CNTNAP4: variants seen among roughly 807,000 people sequenced by gnomAD.
CNTNAP4 encodes contactin-associated protein-like 4.
A neutral mutation model predicts 148.4 loss-of-function variants in CNTNAP4; 98 were observed. The observed-to-expected ratio is 0.66, with a 90% confidence interval of 0.56 to 0.78. The LOEUF is 0.78. Ranked by LOEUF, CNTNAP4 falls within the 30% of genes least tolerant of loss-of-function variation. CNTNAP4 has a pLI of 0.00. For missense variants in CNTNAP4, 1,935 were observed against 1,565.6 expected, an observed-to-expected ratio of 1.24 and a Z score of -3.98; for synonymous variants, 730 against 565.1, an observed-to-expected ratio of 1.29 and a Z score of -4.14.
chr16:76,387,247 A>G (rs2016591061), intron 3 of CNTNAP4, among the ~76,000 whole-genome samples: 1 of 152,222 alleles, frequency 6.6e-6, no homozygotes, highest in Non-Finnish European at 1.5e-5. Context: ...TGATATCACA[A>G]ATTTGAAAAT....
At chr16:76,427,321 GATTTTCTTA>G in intron 3 of CNTNAP4, 122 bp from the exon 4 acceptor site, 1 of 638,854 alleles carries the variant, frequency 1.6e-6, no homozygotes, top group Non-Finnish European at 2.5e-6. Context: ...CTGTTAATGT[GATTTTCTTA>G]TAGAAGGTAG....
At chr16:76,280,243 A>G (rs1958635605) in intron 1 of CNTNAP4, among the ~76,000 whole-genome samples, 1 of 152,132 alleles carries the variant, frequency 6.6e-6, no homozygotes, top group African/African-American at 2.4e-5. Flanking sequence ...CTTTCATGGG[A>G]CAGAACTCTG....
intron 8 of CNTNAP4, among the ~76,000 whole-genome samples, chr16:76,453,559 T>C (rs1362471524): frequency 6.6e-6 from 1 of 152,180 alleles, no homozygotes; most frequent in African/African-American, 2.4e-5. Context: ...TGCCTTGGGG[T>C]AAATTACTAC....
chr16:76,343,247 A>T (rs895322163), intron 2 of CNTNAP4, among the ~76,000 whole-genome samples: 2 of 152,174 alleles, frequency 1.3e-5, no homozygotes, highest in African/African-American at 2.4e-5. Flanking sequence ...TGACAATCCG[A>T]TGAAAGGCCT....
chr16:76,280,568 C>T (rs117038145), intron 1 of CNTNAP4, among the ~76,000 whole-genome samples: 475 of 152,236 alleles, frequency 3.1e-3, no homozygotes, highest in Non-Finnish European at 5.1e-3. Flanking sequence ...GAATGAACCA[C>T]GCTCCCTGCC....
chr16:76,553,808 T>A, intron 22 of CNTNAP4, 28 bp from the exon 23 acceptor site: 2 of 1,494,236 alleles, frequency 1.3e-6, no homozygotes, highest in Non-Finnish European at 1.9e-6. Flanking sequence ...CTATATCACC[T>A]TCCCCCTTTG....
intron 15 of CNTNAP4, among the ~76,000 whole-genome samples, chr16:76,502,064 G>A (rs371172506): frequency 3.6e-5 from 5 of 139,830 alleles, no homozygotes; most frequent in African/African-American, 1.3e-4. Flanking sequence ...GCGAGACTCC[G>A]TCTCAAAAAA....
At chr16:76,342,254 G>T (rs1432647151) in intron 2 of CNTNAP4, among the ~76,000 whole-genome samples, 27 of 151,998 alleles carry the variant, frequency 1.8e-4, no homozygotes, top group Admixed American at 1.8e-3. Flanking sequence ...ATTACATCCA[G>T]GCTTGCATTT....
rs774429951 is a variant in CNTNAP4 at position 76,277,642 on chromosome 16, G to A, written c.-21G>A. Reference sequence around the variant, plus strand: ...CTGAGAGCCTCTCAAGATCTTTTGGGGGAGCCCAATAAATGTGAACATGGG... The same window carrying A: ...CTGAGAGCCTCTCAAGATCTTTTGGAGGAGCCCAATAAATGTGAACATGGG... On this transcript the variant is annotated 5_prime_UTR_variant, in exon 1 of 24. Transcript: ENST00000611870. 1.9e-6 allele frequency: 3 copies of A among 1,564,588 alleles called. No homozygotes were observed. The African/African-American group carries it at 4.1e-5, about 21-fold the overall frequency.
intron 3 of CNTNAP4, among the ~76,000 whole-genome samples, chr16:76,403,622 G>A (rs574871582): frequency 2.0e-5 from 3 of 152,266 alleles, no homozygotes; most frequent in African/African-American, 7.2e-5. Flanking sequence ...TTCAACCATT[G>A]TGGAAAACAG....
intron 3 of CNTNAP4, among the ~76,000 whole-genome samples, chr16:76,406,205 T>C (rs1755411660): frequency 6.6e-6 from 1 of 152,218 alleles, no homozygotes; most frequent in Non-Finnish European, 1.5e-5. Flanking sequence ...TTTTAAATTA[T>C]TATTATATGT....
At chr16:76,512,725 G>T (rs112075134) in intron 15 of CNTNAP4, among the ~76,000 whole-genome samples, 2,932 of 152,184 alleles carry the variant, frequency 0.019, 41 homozygotes, top group Middle Eastern at 0.058. Flanking sequence ...ACAGGGCTTT[G>T]GGGCAATTAA....
chr16:76,539,856 A>G lies in CNTNAP4; in HGVS notation c.3354+4A>G. On this transcript the variant is annotated splice_donor_region_variant and intron_variant, in intron 20 of 23. Coordinates refer to ENST00000611870, the MANE Select transcript of CNTNAP4 (RefSeq NM_033401.5). ...AGAAGGAGTGGTCTTTATAGAGGTA[A>G]TGTAGTAAATTCAGCAGAAGCAATC... is the stretch of plus-strand genomic sequence containing the variant. 1.3e-6 allele frequency: 2 copies of G among 1,563,386 alleles called. No homozygotes were observed. Among genetic ancestry groups the G allele is most frequent in the South Asian group, 2.4e-5 (2 of 82,750 alleles).
At chr16:76,346,685 G>A (rs1386795943) in intron 2 of CNTNAP4, among the ~76,000 whole-genome samples, 2 of 152,142 alleles carry the variant, frequency 1.3e-5, no homozygotes, top group African/African-American at 2.4e-5. Context: ...CTACTAGTTT[G>A]AATGAAATAA....
chr16:76,362,393 G>GA (rs2013547005), intron 3 of CNTNAP4, among the ~76,000 whole-genome samples: 1 of 152,156 alleles, frequency 6.6e-6, no homozygotes, highest in South Asian at 2.1e-4. Context: ...TACAGAAATA[G>GA]AAAAAATATC....
chr16:76,297,417 T>C (rs1028794735), intron 1 of CNTNAP4, among the ~76,000 whole-genome samples: 1 of 152,168 alleles, frequency 6.6e-6, no homozygotes, highest in African/African-American at 2.4e-5. Flanking sequence ...TAATAATGTA[T>C]TTAATTTATT....
At chr16:76,380,570 T>C (rs1432835629) in intron 3 of CNTNAP4, among the ~76,000 whole-genome samples, 2 of 152,218 alleles carry the variant, frequency 1.3e-5, no homozygotes, top group South Asian at 2.1e-4. Context: ...TCAAGCGAAG[T>C]GTAACAATAA....
At chr16:76,436,963 A>ATCTG (rs2079851832) in intron 4 of CNTNAP4, among the ~76,000 whole-genome samples, 2 of 148,278 alleles carry the variant, frequency 1.3e-5, no homozygotes, top group African/African-American at 5.1e-5. Flanking sequence ...AATACAGAAT[A>ATCTG]TCTATCTATC....
At chr16:76,480,534 T>C (rs573735379) in intron 12 of CNTNAP4, among the ~76,000 whole-genome samples, 1 of 152,204 alleles carries the variant, frequency 6.6e-6, no homozygotes, top group South Asian at 2.1e-4. Context: ...AGTTAAGAGA[T>C]TGAGACCATC....
Sources: gnomAD v4.1 joint callset for allele counts (sites outside exome capture counted in the v4.1 genomes callset) on GRCh38, gnomAD v4.1.1 for gene constraint, MANE v1.5 for transcripts, NCBI Gene and HGNC (gene_info 2026-07-23, HGNC 2026-07-21) for gene names.